Variants in DPH7 observed in about 807,000 individuals in gnomAD.
DPH7 encodes the protein diphthine methyltransferase.
In DPH7, 44 loss-of-function variants were observed where a neutral mutation model predicts 41.7. The ratio of observed to expected loss-of-function variants is 1.05; its 90% CI spans 0.83 to 1.36. The LOEUF (loss-of-function observed/expected upper bound fraction) is 1.36, where lower values mean the gene tolerates loss of function less well. DPH7 is among the 40% of genes most tolerant of loss of function. The pLI is 0.00. For synonymous variants in DPH7, 275 were observed against 238.0 expected (o/e 1.16, Z -1.43); for missense variants, 629 against 577.5 (o/e 1.09, Z -0.91).
intron 8 of DPH7, among the ~76,000 whole-genome samples, chr9:137,559,825 G>A (rs1248903120): frequency 6.6e-6 from 1 of 152,204 alleles, no homozygotes; most frequent in Non-Finnish European, 1.5e-5. Context: ...TAACAGTGCA[G>A]CCAAACATTC....
intron 5 of DPH7, among the ~76,000 whole-genome samples, chr9:137,570,658 T>C (rs1157537525): frequency 6.6e-6 from 1 of 152,232 alleles, no homozygotes; most frequent in Non-Finnish European, 1.5e-5. Flanking sequence ...TCCTGGAGCC[T>C]GCACGGCCCT....
At chr9:137,576,999 A>T (rs1276988125) in intron 2 of DPH7, among the ~76,000 whole-genome samples, 1 of 151,350 alleles carries the variant, frequency 6.6e-6, no homozygotes, top group Admixed American at 6.6e-5. Context: ...GGCTGCAGTG[A>T]GCTATGATCA....
In DPH7 at chr9:137,564,897, C is replaced by T; in HGVS notation, c.772G>A (p.Gly258Arg). ...GAGAGCCTCCTGGGGACTCACCTTC[C>T]CGTGGCCAGGATGTGCTCCCGATGA... Reference protein sequence around the residue: ...SPHREHILATGSYDEHILLWD... With the variant: ...SPHREHILATRSYDEHILLWD... Residue 258 changes from glycine to arginine, a missense_variant, in exon 7 of 9, where the codon GGA becomes AGA. Coordinates refer to ENST00000277540, the MANE Select transcript of DPH7 (RefSeq NM_138778.5). 3 of 1,594,118 alleles carry T rather than the reference C, an allele frequency of 1.9e-6. No homozygotes were observed. The highest frequency in any genetic ancestry group is 2.6e-6 in the Non-Finnish European group (3 of 1,170,430).
chr9:137,575,557 A>G (rs1398631143), intron 3 of DPH7: 1 of 994,200 alleles, frequency 1.0e-6, no homozygotes, highest in African/African-American at 1.7e-5. Flanking sequence ...CAGCATCTGC[A>G]TCGGAGTGAG....
intron 2 of DPH7, among the ~76,000 whole-genome samples, chr9:137,577,032 C>A (rs1380730570): frequency 1.4e-5 from 2 of 138,766 alleles, no homozygotes; most frequent in Non-Finnish European, 3.0e-5. Context: ...CCAGCCTGGG[C>A]AACGGAACAA....
Position 137,556,642 on chromosome 9 carries a change from C to T in DPH7, c.950-994G>A. 8.5e-6 allele frequency: 3 copies of T among 352,610 alleles called. No individual in the cohort carries two copies. The highest frequency in any genetic ancestry group is 4.2e-5 in the South Asian group (2 of 47,832). The allele number at this position is 352,610 out of a possible 1,614,324, so 21.8% of individuals were successfully genotyped here. ...GAGTGAGATGCTGAATGTTCAGAGA[C>T]AGCCACAGGGGCCCTCGAGCAGCAT... On this transcript the variant is annotated intron_variant, in intron 8 of 8. Coordinates refer to ENST00000277540, the MANE Select transcript of DPH7 (RefSeq NM_138778.5). The surrounding 1 kb of genome is among the most constrained non-coding windows in gnomAD (Gnocchi z 5.2).
chr9:137,564,095 A>G (rs1312101309), intron 8 of DPH7, among the ~76,000 whole-genome samples: 1 of 152,150 alleles, frequency 6.6e-6, no homozygotes, highest in African/African-American at 2.4e-5. Flanking sequence ...CAGGAAGAGC[A>G]TGGGAGAGCA....
chr9:137,576,844 C>G (rs927111321), intron 2 of DPH7, among the ~76,000 whole-genome samples: 3 of 151,480 alleles, frequency 2.0e-5, no homozygotes, highest in African/African-American at 7.3e-5. Flanking sequence ...GAGCCGAGAC[C>G]GCGCCACTGC....
intron 3 of DPH7, chr9:137,575,084 A>T: frequency 7.8e-7 from 1 of 1,287,848 alleles, no homozygotes; most frequent in Non-Finnish European, 9.9e-7. Flanking sequence ...CACAGGCTTG[A>T]TCTTGGGGCA....
intron 5 of DPH7, among the ~76,000 whole-genome samples, chr9:137,569,313 ACCC>A (rs1839973337): frequency 1.2e-4 from 1 of 8,184 alleles, no homozygotes; most frequent in Admixed American, 1.3e-3. Flanking sequence ...CCATGCCCCC[ACCC>A]ACCCCCCACC....
intron 8 of DPH7, among the ~76,000 whole-genome samples, chr9:137,560,835 G>T (rs1216561970): frequency 7.2e-6 from 1 of 138,562 alleles, no homozygotes; most frequent in Non-Finnish European, 1.5e-5. Flanking sequence ...CAGCCTGGGT[G>T]ACACAGTGAG....
chr9:137,576,617 G>T (rs1023838453), intron 2 of DPH7, among the ~76,000 whole-genome samples: 1 of 152,154 alleles, frequency 6.6e-6, no homozygotes, highest in Non-Finnish European at 1.5e-5. Context: ...AAGGCCAGGC[G>T]TCGTGGCTCA....
rs534623567 is a variant in DPH7, at chr9:137,556,693, C to T, written c.950-1045G>A. On this transcript the variant is annotated intron_variant, in intron 8 of 8. Coordinates refer to ENST00000277540, the MANE Select transcript of DPH7 (RefSeq NM_138778.5). The surrounding 1 kb of genome is among the most constrained non-coding windows in gnomAD (Gnocchi z 5.2). Reference sequence around the variant, plus strand: ...GTGTGGGGCGACCCTCGGGAGGAAGCCCCTGGGGAGGCCGTTACTGTCCCT... The same window carrying T: ...GTGTGGGGCGACCCTCGGGAGGAAGTCCCTGGGGAGGCCGTTACTGTCCCT... The T allele has an allele frequency of 3.6e-5, 14 of 391,974 alleles. No homozygotes were observed. Among genetic ancestry groups the T allele is most frequent in the Non-Finnish European group, 6.6e-5 (13 of 195,838 alleles). The allele number at this position is 391,974 out of a possible 1,614,324, so 24.3% of individuals were successfully genotyped here.
chr9:137,578,878 C>G lies in DPH7; in HGVS notation c.-101G>C, dbSNP rs1367814708. 1 of 1,243,952 alleles carries G rather than the reference C, an allele frequency of 8.0e-7. No homozygotes were observed. Among genetic ancestry groups the G allele is most frequent in the Non-Finnish European group, 1.0e-6 (1 of 969,204 alleles). 77.1% of individuals were successfully genotyped at this position (1,243,952 alleles called of 1,614,324 possible). On this transcript the variant is annotated 5_prime_UTR_variant, in exon 1 of 9. Coordinates refer to ENST00000277540, the MANE Select transcript of DPH7 (RefSeq NM_138778.5). ...GCGAGGCCGGGGCCGGCCGGACGAG[C>G]GCAGAGCCCCAGGGACACCGTCAGC...
Position 137,574,778 on chromosome 9 carries a change from T to C in DPH7, c.441A>G (p.Leu147=), listed in dbSNP as rs748276975. The change falls in exon 4 of 9, where the codon CTA becomes CTG. Residue 147 remains leucine (L), a synonymous_variant. Transcript: ENST00000277540. Reference sequence around the variant, plus strand: ...TTCCAGTTTTCCCAGTGGACCAATCTAGGGACAAAGCCAGACACTGCTCCT... The same window carrying C: ...TTCCAGTTTTCCCAGTGGACCAATCCAGGGACAAAGCCAGACACTGCTCCT... ...ALEEQCLALS[L]DWSTGKTGRA... The C allele has an allele frequency of 9.9e-6, 16 of 1,613,858 alleles. No homozygotes were observed. The Admixed American group carries it at 2.7e-4, about 27-fold the overall frequency.
At chr9:137,578,593 G>A in intron 1 of DPH7, 32 bp downstream of exon 1, 1 of 579,062 alleles carries the variant, frequency 1.7e-6, no homozygotes, top group Non-Finnish European at 2.6e-6. Flanking sequence ...GGCCGGCCCC[G>A]CCCTCCCCTC....
chr9:137,568,797 C>G (rs1426841302), intron 5 of DPH7, among the ~76,000 whole-genome samples: 1 of 152,142 alleles, frequency 6.6e-6, no homozygotes, highest in African/African-American at 2.4e-5. Context: ...TGAAGGCCAT[C>G]AGGTGCAGGC....
At chr9:137,575,919 T>TTAAAACAAGA in intron 3 of DPH7, 161 bp downstream of exon 3, 1 of 1,435,692 alleles carries the variant, frequency 7.0e-7, no homozygotes, top group South Asian at 1.5e-5. Flanking sequence ...TAGAACGCAA[T>TTAAAACAAGA]ACAACTTAAA....
Position 137,555,022 on chromosome 9 carries a change from ACT to A in DPH7, c.*215_*216del. The A allele has an allele frequency of 2.1e-6, 1 of 467,018 alleles. No individual in the cohort carries two copies. The highest frequency in any genetic ancestry group is 3.5e-6 in the Non-Finnish European group (1 of 284,582). The allele number at this position is 467,018 out of a possible 1,614,324, so 28.9% of individuals were successfully genotyped here. ...AAGCTGGAAACCGCGTCTTTTCCCC[ACT>A]CTCTGCCAGACAGAATCACCCAGTC... On this transcript the variant is annotated 3_prime_UTR_variant, in exon 9 of 9. Coordinates refer to ENST00000277540, the MANE Select transcript of DPH7 (RefSeq NM_138778.5).
Sources: gnomAD v4.1 joint callset for allele counts (sites outside exome capture counted in the v4.1 genomes callset) on GRCh38, gnomAD v4.1.1 for gene constraint, Gnocchi (gnomAD v3.1) non-coding constraint, MANE v1.5 for transcripts, NCBI Gene and HGNC (gene_info 2026-07-23, HGNC 2026-07-21) for gene names.